SLC14A2: variants seen among roughly 807,000 people sequenced by gnomAD.
SLC14A2 encodes the protein urea transporter 2.
Under a neutral mutation model 104.6 loss-of-function variants are expected in SLC14A2, and 91 were observed. The ratio of observed to expected loss-of-function variants is 0.87; its 90% confidence interval spans 0.73 to 1.04. The LOEUF is 1.04. Among genes scored for constraint, SLC14A2 ranks in the 50% least tolerant of loss-of-function variants. SLC14A2 has a pLI of 0.00. For missense variants in SLC14A2, 1,189 were observed against 1,156.0 expected, an observed-to-expected ratio of 1.03 and a Z score of -0.41; for synonymous variants, 476 against 466.4, an observed-to-expected ratio of 1.02 and a Z score of -0.27.
At chr18:45,547,849 G>A (rs992227958) in intron 2 of SLC14A2, among the ~76,000 whole-genome samples, 5 of 152,186 alleles carry the variant, frequency 3.3e-5, no homozygotes, top group Non-Finnish European at 2.9e-5. Flanking sequence ...GAACAGAAGG[G>A]CTGCACAGCA....
rs574911795 is a variant in SLC14A2, at chr18:45,247,297, C to G, written c.-125+34106C>G. ...AGAAAAATTGATTTATACACATTTT[C>G]CATAAACACATCTATTGTATAAAAA... On this transcript the variant is annotated intron_variant, in intron 1 of 20. Coordinates refer to the SLC14A2 transcript ENST00000586448. Among the ~76,000 whole-genome samples the G allele has an allele frequency of 2.6e-5, 4 of 152,290 alleles. No individual in the cohort carries two copies. The South Asian group carries it at 8.3e-4, about 32-fold the overall frequency.
intron 2 of SLC14A2, chr18:45,489,840 TTTTAACTC>T (rs1312745393): frequency 6.6e-6 from 1 of 152,206 alleles, no homozygotes; most frequent in Non-Finnish European, 1.5e-5. Context: ...AGATTATTGT[TTTTAACTC>T]TTTAACTTGG....
At chr18:45,463,957 C>A (rs2087092432) in intron 1 of SLC14A2, among the ~76,000 whole-genome samples, 1 of 152,178 alleles carries the variant, frequency 6.6e-6, no homozygotes. Context: ...CACCCTATTT[C>A]TAATTTTTCT....
At chr18:45,298,032 C>A (rs953312566) in intron 1 of SLC14A2, among the ~76,000 whole-genome samples, 3 of 152,150 alleles carry the variant, frequency 2.0e-5, no homozygotes, top group Non-Finnish European at 4.4e-5. Flanking sequence ...GTAAATGGAA[C>A]AATCCTTCAA....
At chr18:45,313,999 C>CT (rs2085103629) in intron 1 of SLC14A2, among the ~76,000 whole-genome samples, 1 of 152,170 alleles carries the variant, frequency 6.6e-6, no homozygotes, top group South Asian at 2.1e-4. Context: ...GGATGCCCAT[C>CT]CGTGCAATGG....
chr18:45,407,779 A>G (rs1171042951), intron 1 of SLC14A2, among the ~76,000 whole-genome samples: 3 of 152,220 alleles, frequency 2.0e-5, no homozygotes, highest in African/African-American at 7.2e-5. Flanking sequence ...GGAAATGGCC[A>G]TCAGTGGAGC....
At chr18:45,450,618 G>A (rs2086842256) in intron 1 of SLC14A2, among the ~76,000 whole-genome samples, 1 of 152,186 alleles carries the variant, frequency 6.6e-6, no homozygotes, top group Non-Finnish European at 1.5e-5. Flanking sequence ...AATTAAATGA[G>A]TACCACTGCA....
At chr18:45,306,906 T>C (rs1270666052) in intron 1 of SLC14A2, among the ~76,000 whole-genome samples, 2 of 152,144 alleles carry the variant, frequency 1.3e-5, no homozygotes, top group African/African-American at 4.8e-5. Flanking sequence ...TTTTTTTCTC[T>C]CCTCTTAATC....
chr18:45,512,814 G>T (rs1056178395), intron 2 of SLC14A2, among the ~76,000 whole-genome samples: 3 of 152,184 alleles, frequency 2.0e-5, no homozygotes, highest in African/African-American at 4.8e-5. Context: ...GGATTGGGGG[G>T]AGCTGGAAGG....
intron 2 of SLC14A2, among the ~76,000 whole-genome samples, chr18:45,567,140 C>G (rs2044278981): frequency 1.3e-5 from 2 of 150,740 alleles, no homozygotes; most frequent in African/African-American, 4.9e-5. Flanking sequence ...AAGGCTGACA[C>G]AGATTGAGGG....
intron 1 of SLC14A2, among the ~76,000 whole-genome samples, chr18:45,219,098 G>C (rs62092119): frequency 0.11 from 17,173 of 152,200 alleles, 981 homozygotes; most frequent in Non-Finnish European, 0.12. Context: ...GCTGACCTCA[G>C]TGGATTGTGA....
intron 1 of SLC14A2, among the ~76,000 whole-genome samples, chr18:45,442,850 A>T (rs1402637963): frequency 6.6e-6 from 1 of 152,218 alleles, no homozygotes; most frequent in Non-Finnish European, 1.5e-5. Context: ...TCAGGTAGCT[A>T]GAAAAAAATT....
chr18:45,580,771 T>C (rs1324028367), intron 2 of SLC14A2, among the ~76,000 whole-genome samples: 1 of 152,110 alleles, frequency 6.6e-6, no homozygotes, highest in Non-Finnish European at 1.5e-5. Flanking sequence ...GGGGCAAAGC[T>C]GAGATTCAGA....
At chr18:45,244,311 A>T (rs1490245582) in intron 1 of SLC14A2, among the ~76,000 whole-genome samples, 1 of 149,872 alleles carries the variant, frequency 6.7e-6, no homozygotes, top group East Asian at 2.0e-4. Flanking sequence ...GTTATTTCAA[A>T]CTCTTTTTAA....
chr18:45,572,105 C>CTTGT (rs887813223), intron 2 of SLC14A2, among the ~76,000 whole-genome samples: 2 of 152,196 alleles, frequency 1.3e-5, no homozygotes, highest in Non-Finnish European at 2.9e-5. Context: ...CTATGATCAA[C>CTTGT]TTGTTTCCTT....
chr18:45,209,349 AAAC>A (rs201890560), upstream of SLC14A2, among the ~76,000 whole-genome samples: 24 of 151,338 alleles, frequency 1.6e-4, no homozygotes, highest in East Asian at 2.1e-3. Context: ...TCTCAAAACA[AAAC>A]AACAACAACA....
At chr18:45,291,233 G>T (rs574862287) in intron 1 of SLC14A2, among the ~76,000 whole-genome samples, 1 of 152,190 alleles carries the variant, frequency 6.6e-6, no homozygotes, top group East Asian at 1.9e-4. Context: ...GATACATAAG[G>T]CTTTAACAGG....
chr18:45,175,334 C>T, the SLC14A2 span, among the ~76,000 whole-genome samples: 2 of 151,704 alleles, frequency 1.3e-5, no homozygotes, highest in Non-Finnish European at 1.5e-5. Context: ...AAAAGCTCCC[C>T]AAGATATTTT....
chr18:45,296,700 C>T (rs943552512), intron 1 of SLC14A2, among the ~76,000 whole-genome samples: 3 of 152,160 alleles, frequency 2.0e-5, no homozygotes, highest in African/African-American at 7.2e-5. Context: ...AAGATAGTCC[C>T]TAGGCTCTGT....
Sources: allele counts gnomAD v4.1 joint callset (sites outside exome capture counted in the v4.1 genomes callset), GRCh38; gene constraint gnomAD v4.1.1; transcripts MANE v1.5; gene names NCBI Gene and HGNC (gene_info 2026-07-23, HGNC 2026-07-21).